Variants in RNGTT observed in about 807,000 individuals in gnomAD.
RNGTT encodes RNA guanylyltransferase and 5'-phosphatase.
A neutral mutation model predicts 79.3 loss-of-function variants in RNGTT; 33 were observed. The observed-to-expected ratio is 0.42, with a 90% confidence interval of 0.32 to 0.56. The LOEUF (loss-of-function observed/expected upper bound fraction) is 0.56. Among genes scored for constraint, RNGTT ranks in the 20% least tolerant of loss-of-function variants. The pLI, the probability that RNGTT is intolerant of heterozygous loss-of-function variation, is 0.17. For missense variants in RNGTT, 497 were observed against 739.1 expected (o/e 0.67, Z 3.80); for synonymous variants, 222 against 235.9 (o/e 0.94, Z 0.54).
chr6:88,779,711 G>C (rs897196637), intron 12 of RNGTT, among the ~76,000 whole-genome samples: 9 of 152,094 alleles, frequency 5.9e-5, no homozygotes, highest in African/African-American at 2.2e-4. Flanking sequence ...TAGAAAATGG[G>C]GCCAGGTGCA....
chr6:88,613,772 C>T, intron 15 of RNGTT, among the ~76,000 whole-genome samples: 1 of 152,280 alleles, frequency 6.6e-6, no homozygotes, highest in East Asian at 1.9e-4. Context: ...ATTCTGAATT[C>T]CCAAAGCATT....
At chr6:88,799,570 C>T (rs1181940775) in intron 12 of RNGTT, among the ~76,000 whole-genome samples, 5 of 151,662 alleles carry the variant, frequency 3.3e-5, no homozygotes, top group Non-Finnish European at 7.4e-5. Context: ...CATGGTGGTG[C>T]GCACCTGCAA....
At chr6:88,729,145 A>G (rs867695616) in intron 13 of RNGTT, among the ~76,000 whole-genome samples, 1 of 152,226 alleles carries the variant, frequency 6.6e-6, no homozygotes, top group Middle Eastern at 3.4e-3. Context: ...ATCTCCCAAC[A>G]CTAAGCTCAC....
chr6:88,876,329 G>T (rs923083818), intron 8 of RNGTT, among the ~76,000 whole-genome samples: 2 of 152,146 alleles, frequency 1.3e-5, no homozygotes, highest in Non-Finnish European at 2.9e-5. Context: ...AGGAGTTTGA[G>T]ACCAGCCTGG....
chr6:88,657,694 T>C (rs1044353929), intron 14 of RNGTT, among the ~76,000 whole-genome samples: 4 of 152,072 alleles, frequency 2.6e-5, no homozygotes, highest in Non-Finnish European at 5.9e-5. Context: ...TCCCGCTCCA[T>C]GAATATAAAC....
chr6:88,919,589 G>C (rs1242226359), intron 4 of RNGTT, among the ~76,000 whole-genome samples: 1 of 151,798 alleles, frequency 6.6e-6, no homozygotes, highest in Non-Finnish European at 1.5e-5. Context: ...GGTCTTCTGG[G>C]ATTGTAGGCA....
intron 8 of RNGTT, among the ~76,000 whole-genome samples, chr6:88,872,758 A>T (rs1411516986): frequency 6.6e-6 from 1 of 152,172 alleles, no homozygotes; most frequent in Non-Finnish European, 1.5e-5. Context: ...TATTTCAATA[A>T]ATTTCTGGTT....
chr6:88,742,460 A>G (rs1777524550), intron 13 of RNGTT, among the ~76,000 whole-genome samples: 1 of 152,238 alleles, frequency 6.6e-6, no homozygotes, highest in African/African-American at 2.4e-5. Context: ...ACAAGTTAAC[A>G]TATCATGATA....
At chr6:88,769,525 A>C in intron 13 of RNGTT, among the ~76,000 whole-genome samples, 1 of 152,224 alleles carries the variant, frequency 6.6e-6, no homozygotes, top group Non-Finnish European at 1.5e-5. Flanking sequence ...TATATTAATG[A>C]AAATGATTTT....
intron 6 of RNGTT, among the ~76,000 whole-genome samples, chr6:88,904,331 G>C (rs1783574667): frequency 6.6e-6 from 1 of 152,124 alleles, no homozygotes; most frequent in African/African-American, 2.4e-5. Flanking sequence ...CCAACACTTT[G>C]GGATGCCAAG....
intron 2 of RNGTT, among the ~76,000 whole-genome samples, chr6:88,937,036 T>C (rs1784686390): frequency 6.6e-6 from 1 of 152,138 alleles, no homozygotes; most frequent in African/African-American, 2.4e-5. Context: ...AGTTAGTGTA[T>C]ACTTGTTCAT....
At chr6:88,742,120 G>A (rs1017250280) in intron 13 of RNGTT, among the ~76,000 whole-genome samples, 6 of 152,148 alleles carry the variant, frequency 3.9e-5, no homozygotes, top group Non-Finnish European at 1.5e-5. Flanking sequence ...ATGGGCATAT[G>A]GTGTAAAGCA....
intron 13 of RNGTT, among the ~76,000 whole-genome samples, chr6:88,701,964 GC>G (rs779561358): frequency 6.6e-6 from 1 of 151,850 alleles, no homozygotes; most frequent in Non-Finnish European, 1.5e-5. Context: ...ATTTACGATA[GC>G]CACAAAAAAC....
At chr6:88,851,226 G>C (rs749998921) in intron 9 of RNGTT, among the ~76,000 whole-genome samples, 1 of 150,248 alleles carries the variant, frequency 6.7e-6, no homozygotes, top group Non-Finnish European at 1.5e-5. Flanking sequence ...CCTAAAAGCA[G>C]TTCTTCAGAT....
intron 12 of RNGTT, among the ~76,000 whole-genome samples, chr6:88,770,365 G>A (rs190639033): frequency 2.0e-5 from 3 of 152,142 alleles, no homozygotes; most frequent in Admixed American, 6.5e-5. Context: ...TGCTTTCTAC[G>A]ACTACAGTTG....
intron 14 of RNGTT, among the ~76,000 whole-genome samples, chr6:88,657,948 C>T (rs1240024768): frequency 6.6e-6 from 1 of 152,146 alleles, no homozygotes; most frequent in African/African-American, 2.4e-5. Flanking sequence ...CAATCCTGCC[C>T]CATCTGATGG....
intron 13 of RNGTT, among the ~76,000 whole-genome samples, chr6:88,768,568 T>A (rs879381182): frequency 6.6e-6 from 1 of 152,234 alleles, no homozygotes; most frequent in Non-Finnish European, 1.5e-5. Flanking sequence ...GGACTCCATA[T>A]ATCCCCTGTT....
intron 13 of RNGTT, among the ~76,000 whole-genome samples, chr6:88,708,379 C>G (rs1337377428): frequency 6.6e-6 from 1 of 152,144 alleles, no homozygotes; most frequent in Non-Finnish European, 1.5e-5. Flanking sequence ...CAGCCCTACT[C>G]TACAAGATGA....
At chr6:88,781,855 C>A (rs1366152037) in intron 12 of RNGTT, among the ~76,000 whole-genome samples, 1 of 152,054 alleles carries the variant, frequency 6.6e-6, no homozygotes, top group African/African-American at 2.4e-5. Flanking sequence ...TTGATGCGAT[C>A]TCTACCAATT....
Sources: allele counts gnomAD v4.1 joint callset (sites outside exome capture counted in the v4.1 genomes callset), GRCh38; gene constraint gnomAD v4.1.1; transcripts MANE v1.5; gene names NCBI Gene and HGNC (gene_info 2026-07-23, HGNC 2026-07-21).